Variants in CDYL2 observed in about 807,000 individuals in gnomAD.
CDYL2 encodes the protein chromodomain Y-like protein 2.
A neutral mutation model predicts 49.4 loss-of-function variants in CDYL2; 23 were observed. The ratio of observed to expected loss-of-function variants is 0.47; its 90% CI spans 0.34 to 0.66. The LOEUF is 0.66. Among genes scored for constraint, CDYL2 ranks in the 30% least tolerant of loss-of-function variants. CDYL2 has a pLI of 0.01. For missense variants in CDYL2, 678 were observed against 656.4 expected (o/e 1.03, Z -0.36); for synonymous variants, 360 against 268.8 (o/e 1.34, Z -3.32).
intron 1 of CDYL2, among the ~76,000 whole-genome samples, chr16:80,714,834 AT>A (rs1904741158): frequency 6.6e-6 from 1 of 152,158 alleles, no homozygotes; most frequent in South Asian, 2.1e-4. Context: ...CAAAAGCTCC[AT>A]TTTTGGAGAT....
chr16:80,671,360 C>T (rs1344942652), intron 2 of CDYL2, among the ~76,000 whole-genome samples: 2 of 152,160 alleles, frequency 1.3e-5, no homozygotes, highest in Non-Finnish European at 2.9e-5. Flanking sequence ...TAGGACCAGT[C>T]CTTCCATGGA....
intron 1 of CDYL2, among the ~76,000 whole-genome samples, chr16:80,774,869 A>G (rs1907030173): frequency 1.3e-5 from 2 of 151,258 alleles, no homozygotes; most frequent in African/African-American, 4.9e-5. Flanking sequence ...GGAAGGAGAA[A>G]AGGCATAGAA....
intron 1 of CDYL2, among the ~76,000 whole-genome samples, chr16:80,803,489 G>C (rs2142428628): frequency 6.6e-6 from 1 of 152,098 alleles, no homozygotes; most frequent in Non-Finnish European, 1.5e-5. Flanking sequence ...CCACGCCCGA[G>C]CCCGGAGGGC....
chr16:80,691,519 G>C (rs746956806), intron 1 of CDYL2, among the ~76,000 whole-genome samples: 5 of 150,976 alleles, frequency 3.3e-5, no homozygotes, highest in Non-Finnish European at 5.9e-5. Context: ...TGGCATCCAA[G>C]TGGTGAGAGA....
At chr16:80,683,852 G>A (rs1910066174) in intron 2 of CDYL2, among the ~76,000 whole-genome samples, 1 of 152,180 alleles carries the variant, frequency 6.6e-6, no homozygotes, top group Non-Finnish European at 1.5e-5. Flanking sequence ...AGCATCTGCT[G>A]GTGCCTTCAT....
At chr16:80,648,682 G>GA (rs979901864) in intron 2 of CDYL2, among the ~76,000 whole-genome samples, 6 of 145,304 alleles carry the variant, frequency 4.1e-5, no homozygotes, top group Non-Finnish European at 1.5e-5. Flanking sequence ...AAATCAGAAA[G>GA]AAAAAAAATA....
At chr16:80,626,231 C>T (rs547935251) in intron 3 of CDYL2, among the ~76,000 whole-genome samples, 38 of 137,652 alleles carry the variant, frequency 2.8e-4, no homozygotes, top group Non-Finnish European at 4.5e-4. Context: ...GAACCGAGAT[C>T]GTACCACCGT....
chr16:80,608,343 T>A, intron 5 of CDYL2, 108 bp from the exon 6 acceptor site: 1 of 1,228,332 alleles, frequency 8.1e-7, no homozygotes, highest in South Asian at 1.6e-5. Flanking sequence ...GAAGGCATCT[T>A]GCCTTCCAGA....
intron 1 of CDYL2, among the ~76,000 whole-genome samples, chr16:80,765,134 T>A (rs776608772): frequency 9.1e-5 from 13 of 142,140 alleles, no homozygotes; most frequent in Non-Finnish European, 1.4e-4. Context: ...TAGTACTATA[T>A]AATATATAGT....
chr16:80,661,378 G>A (rs1413980965), intron 2 of CDYL2, among the ~76,000 whole-genome samples: 1 of 152,118 alleles, frequency 6.6e-6, no homozygotes, highest in African/African-American at 2.4e-5. Context: ...TGTCACTTTG[G>A]CATATTCCCC....
chr16:80,800,900 G>A (rs1232097215), intron 1 of CDYL2, among the ~76,000 whole-genome samples: 1 of 152,204 alleles, frequency 6.6e-6, no homozygotes, highest in Non-Finnish European at 1.5e-5. Context: ...GAATCAGGTT[G>A]CAAACTCTAA....
intron 1 of CDYL2, among the ~76,000 whole-genome samples, chr16:80,801,210 A>G (rs551932008): frequency 1.3e-5 from 2 of 152,322 alleles, no homozygotes; most frequent in East Asian, 1.9e-4. Context: ...TCACCTTCCT[A>G]TAAGTGATGG....
intron 1 of CDYL2, among the ~76,000 whole-genome samples, chr16:80,689,679 G>A (rs985628314): frequency 2.6e-5 from 4 of 152,228 alleles, no homozygotes; most frequent in African/African-American, 9.6e-5. Context: ...TCACGGAAGT[G>A]ACGCATACAA....
intron 5 of CDYL2, among the ~76,000 whole-genome samples, chr16:80,610,233 G>C (rs1193565312): frequency 6.6e-6 from 1 of 152,148 alleles, no homozygotes; most frequent in Non-Finnish European, 1.5e-5. Context: ...GAAACAATGG[G>C]GGATGGAACT....
intron 1 of CDYL2, among the ~76,000 whole-genome samples, chr16:80,733,754 C>A (rs925545067): frequency 6.6e-6 from 1 of 152,204 alleles, no homozygotes; most frequent in African/African-American, 2.4e-5. Context: ...GCTCTTCTAA[C>A]AGATCACAGA....
At chr16:80,689,464 C>T (rs1910326535) in intron 1 of CDYL2, among the ~76,000 whole-genome samples, 2 of 152,208 alleles carry the variant, frequency 1.3e-5, no homozygotes, top group African/African-American at 2.4e-5. Flanking sequence ...GAAACTGAGG[C>T]TCAGAGAAGG....
chr16:80,699,766 A>G (rs543063619), intron 1 of CDYL2, among the ~76,000 whole-genome samples: 1 of 152,348 alleles, frequency 6.6e-6, no homozygotes, highest in South Asian at 2.1e-4. Flanking sequence ...GTATTGAAAT[A>G]TACTATACTC....
chr16:80,639,453 G>C (rs1907982895), intron 2 of CDYL2, among the ~76,000 whole-genome samples: 1 of 152,172 alleles, frequency 6.6e-6, no homozygotes, highest in Non-Finnish European at 1.5e-5. Context: ...CAACCATTGT[G>C]TCCTTTAATA....
Position 80,738,718 on chromosome 16 carries a change from T to TA in CDYL2, c.25-53590dup, listed in dbSNP as rs1905628124. ...ATGTTGCACAACTCTGTAAATACACTAAAAATCACTGACTTGTACACTTTC... is the reference window on the plus strand; with the variant it reads ...ATGTTGCACAACTCTGTAAATACACTAAAAAATCACTGACTTGTACACTTTC... On this transcript the variant is annotated intron_variant, in intron 1 of 6. Coordinates refer to ENST00000570137, the MANE Select transcript of CDYL2 (RefSeq NM_152342.4). The TA allele has an allele frequency of 2.0e-5, 3 of 152,322 alleles. No individual in the cohort carries two copies. The East Asian group carries it at 5.8e-4, about 29-fold the overall frequency. The allele number at this position is 152,322 out of a possible 1,614,324, so 9.4% of individuals were successfully genotyped here. A position where few individuals can be genotyped will look rare whatever the true frequency, so the allele number is the denominator to read the frequency against.
Sources: gnomAD v4.1 joint callset for allele counts (sites outside exome capture counted in the v4.1 genomes callset) on GRCh38, gnomAD v4.1.1 for gene constraint, MANE v1.5 for transcripts, NCBI Gene and HGNC (gene_info 2026-07-23, HGNC 2026-07-21) for gene names.